The following CNTNAP5 variants were observed in gnomAD, a reference collection of about 807,000 sequenced individuals.
CNTNAP5 encodes contactin-associated protein-like 5.
A neutral mutation model predicts 150.2 loss-of-function variants in CNTNAP5; 72 were observed. The observed-to-expected ratio is 0.48, with a 90% CI of 0.40 to 0.58. CNTNAP5 has a LOEUF of 0.58. Among genes scored for constraint, CNTNAP5 ranks in the 20% least tolerant of loss-of-function variants. The pLI, the probability that CNTNAP5 is intolerant of heterozygous loss-of-function variation, is 0.00. For missense variants in CNTNAP5, 1,636 were observed against 1,626.2 expected, an observed-to-expected ratio of 1.01 and a Z score of -0.10; for synonymous variants, 672 against 619.8, an observed-to-expected ratio of 1.08 and a Z score of -1.25.
At chr2:124,039,287 T>A (rs2104629488) in intron 1 of CNTNAP5, among the ~76,000 whole-genome samples, 1 of 152,352 alleles carries the variant, frequency 6.6e-6, no homozygotes, top group Admixed American at 6.5e-5. Flanking sequence ...ATGTTAGCTG[T>A]GATTAAATTG....
At chr2:124,218,298 G>T (rs992552659) in intron 1 of CNTNAP5, among the ~76,000 whole-genome samples, 2 of 152,040 alleles carry the variant, frequency 1.3e-5, no homozygotes, top group African/African-American at 4.8e-5. Flanking sequence ...TTCCATTCCC[G>T]TTTACTAGGC....
intron 21 of CNTNAP5, among the ~76,000 whole-genome samples, chr2:124,886,964 T>C (rs1266091268): frequency 6.6e-6 from 1 of 152,082 alleles, no homozygotes; most frequent in Non-Finnish European, 1.5e-5. Flanking sequence ...TCATTACTTC[T>C]GTGTGTGGTC....
chr2:124,907,811 G>A (rs2104765141), intron 22 of CNTNAP5, among the ~76,000 whole-genome samples: 1 of 150,558 alleles, frequency 6.6e-6, no homozygotes, highest in Admixed American at 6.7e-5. Flanking sequence ...ATATAGGCAT[G>A]GTATTTTTAA....
intron 5 of CNTNAP5, among the ~76,000 whole-genome samples, chr2:124,435,504 AG>A (rs969817297): frequency 1.3e-5 from 2 of 152,144 alleles, no homozygotes; most frequent in Non-Finnish European, 2.9e-5. Flanking sequence ...AAAGAAAGAA[AG>A]AGATAAGCTG....
intron 2 of CNTNAP5, among the ~76,000 whole-genome samples, chr2:124,227,326 G>A (rs991446654): frequency 2.6e-5 from 4 of 151,868 alleles, no homozygotes; most frequent in African/African-American, 9.7e-5. Context: ...CTTCCAAGAG[G>A]GTATGGTGAA....
chr2:124,904,865 G>A (rs184355553), intron 22 of CNTNAP5, among the ~76,000 whole-genome samples: 17 of 151,180 alleles, frequency 1.1e-4, no homozygotes, highest in South Asian at 1.0e-3. Context: ...CAACAAGAGC[G>A]AAAATTTAAA....
chr2:124,140,412 G>C (rs998029187), intron 1 of CNTNAP5, among the ~76,000 whole-genome samples: 1 of 144,552 alleles, frequency 6.9e-6, no homozygotes, highest in African/African-American at 2.6e-5. Flanking sequence ...GAAGAGAGCA[G>C]TGGTTCTCCC....
intron 19 of CNTNAP5, among the ~76,000 whole-genome samples, chr2:124,827,214 G>C (rs375962770): frequency 6.6e-6 from 1 of 152,184 alleles, no homozygotes; most frequent in South Asian, 2.1e-4. Context: ...ATGAGCCACC[G>C]CACCTGGCCT....
chr2:124,262,739 T>G (rs1313606245), intron 3 of CNTNAP5, among the ~76,000 whole-genome samples: 1 of 151,954 alleles, frequency 6.6e-6, no homozygotes, highest in Non-Finnish European at 1.5e-5. Context: ...CATGTTGGTG[T>G]GCTGCACCGA....
chr2:124,744,146 G>A (rs1452229835), intron 13 of CNTNAP5, among the ~76,000 whole-genome samples: 1 of 152,156 alleles, frequency 6.6e-6, no homozygotes, highest in Non-Finnish European at 1.5e-5. Flanking sequence ...ATTCCCATGT[G>A]TTGTGGGAGG....
intron 4 of CNTNAP5, among the ~76,000 whole-genome samples, chr2:124,428,490 T>C (rs1354813299): frequency 6.6e-6 from 1 of 152,180 alleles, no homozygotes; most frequent in Non-Finnish European, 1.5e-5. Flanking sequence ...GAGAGGGCAT[T>C]GTACCTCTAC....
chr2:124,383,013 C>T (rs962407039), intron 3 of CNTNAP5, among the ~76,000 whole-genome samples: 1 of 152,080 alleles, frequency 6.6e-6, no homozygotes, highest in South Asian at 2.1e-4. Context: ...CCTACAAACC[C>T]GCTGCGAAGT....
intron 1 of CNTNAP5, among the ~76,000 whole-genome samples, chr2:124,099,623 C>T (rs1363376759): frequency 6.6e-6 from 1 of 152,102 alleles, no homozygotes; most frequent in Non-Finnish European, 1.5e-5. Flanking sequence ...ATATCTGAAA[C>T]TGGGCAATTT....
In CNTNAP5 at chr2:124,647,960, TA is replaced by T; in HGVS notation, c.2077+4del. 6.3e-7 allele frequency: 1 copy of T among 1,591,494 alleles called. No individual in the cohort carries two copies. Among genetic ancestry groups the T allele is most frequent in the Non-Finnish European group, 8.6e-7 (1 of 1,169,416 alleles). ...GGTCCCGCCTGCTCAACACGCCGGG[TA>T]AGGCCTCTGCATGCATGACCACAGT... On this transcript the variant is annotated splice_donor_region_variant and intron_variant, in intron 13 of 23. Coordinates refer to ENST00000682447, the MANE Select transcript of CNTNAP5 (RefSeq NM_001367498.1).
chr2:124,868,037 T>C (rs1389412052), intron 20 of CNTNAP5, among the ~76,000 whole-genome samples: 1 of 152,136 alleles, frequency 6.6e-6, no homozygotes, highest in African/African-American at 2.4e-5. Context: ...ACATGCAGCA[T>C]CTCGTGGATC....
chr2:124,325,491 T>C lies in CNTNAP5; in HGVS notation c.381+83098T>C, dbSNP rs370148215. Reference sequence around the variant, plus strand: ...TTCTGTAAAAGCTTTATCTCATCAATGATGTTTCTCTAATACAGAGTGTCT... The same window carrying C: ...TTCTGTAAAAGCTTTATCTCATCAACGATGTTTCTCTAATACAGAGTGTCT... On this transcript the variant is annotated intron_variant, in intron 3 of 23. Transcript: ENST00000682447. Among the ~76,000 whole-genome samples, 49 of 152,330 alleles carry C rather than the reference T, an allele frequency of 3.2e-4. No homozygotes were observed. The South Asian group carries it at 9.3e-3, about 29-fold the overall frequency.
At chr2:124,310,512 C>T (rs145660215) in intron 3 of CNTNAP5, among the ~76,000 whole-genome samples, 102 of 152,236 alleles carry the variant, frequency 6.7e-4, no homozygotes, top group Middle Eastern at 6.8e-3. Context: ...TCCTCTAATG[C>T]CCCCTTTCCC....
intron 4 of CNTNAP5, among the ~76,000 whole-genome samples, chr2:124,425,312 T>C (rs1692213947): frequency 6.6e-6 from 1 of 152,172 alleles, no homozygotes; most frequent in Non-Finnish European, 1.5e-5. Context: ...ATAACTATCG[T>C]CTCTAATTTT....
Position 124,385,634 on chromosome 2 carries a change from C to G in CNTNAP5, c.382-31809C>G, listed in dbSNP as rs1573958694. 4.6e-5 allele frequency among the ~76,000 whole-genome samples: 7 copies of G among 152,278 alleles called. No homozygotes were observed. The South Asian group carries it at 1.2e-3, about 27-fold the overall frequency. ...CATATTTTTTGGATAAATGAATCTG[C>G]TTTTACAGATGTTGAAGTAGTAAGT... is the stretch of plus-strand genomic sequence containing the variant. On this transcript the variant is annotated intron_variant, in intron 3 of 23. Transcript: ENST00000682447.
Sources: allele counts gnomAD v4.1 joint callset (sites outside exome capture counted in the v4.1 genomes callset), GRCh38; gene constraint gnomAD v4.1.1; transcripts MANE v1.5; gene names NCBI Gene and HGNC (gene_info 2026-07-23, HGNC 2026-07-21).